Variants in ARSG observed in about 807,000 individuals in gnomAD.
The protein encoded by ARSG is arylsulfatase G.
ARSG carries 37 observed loss-of-function variants against 50.5 expected under a neutral mutation model. The ratio of observed to expected loss-of-function variants is 0.73; its 90% CI spans 0.56 to 0.96. The LOEUF is 0.96. ARSG is among the 50% of genes least tolerant of loss of function. The probability of loss-of-function intolerance (pLI) is 0.00; values close to 1 mark genes in which losing one functional copy is unlikely to be tolerated. For missense variants in ARSG, 629 were observed against 675.3 expected (o/e 0.93, Z 0.76); for synonymous variants, 225 against 254.6 (o/e 0.88, Z 1.11).
At chr17:68,330,115 C>T (rs1224933361) in intron 2 of ARSG, among the ~76,000 whole-genome samples, 1 of 151,764 alleles carries the variant, frequency 6.6e-6, no homozygotes, top group Admixed American at 6.6e-5. Flanking sequence ...GAGGCTGAGG[C>T]AGGAGAACCA....
chr17:68,419,340 C>G (rs2082601946), intron 11 of ARSG, among the ~76,000 whole-genome samples: 1 of 152,086 alleles, frequency 6.6e-6, no homozygotes, highest in Non-Finnish European at 1.5e-5. Context: ...GTGGGCAGAT[C>G]ATGAGGTTAG....
chr17:68,424,844 T>G (rs943055822), downstream of ARSG, among the ~76,000 whole-genome samples: 3 of 152,204 alleles, frequency 2.0e-5, no homozygotes, highest in Non-Finnish European at 4.4e-5. Flanking sequence ...ACCACTGCAC[T>G]CCAGCCTGGG....
chr17:68,300,012 C>T (rs1848677359), intron 1 of ARSG, among the ~76,000 whole-genome samples: 2 of 150,058 alleles, frequency 1.3e-5, no homozygotes, highest in African/African-American at 2.5e-5. Flanking sequence ...GATCACAGCT[C>T]ACTTGCAGCC....
At chr17:68,416,457 T>C (rs1022903577) in intron 11 of ARSG, among the ~76,000 whole-genome samples, 1 of 152,174 alleles carries the variant, frequency 6.6e-6, no homozygotes, top group African/African-American at 2.4e-5. Flanking sequence ...CTGGTGATGT[T>C]TTTGCAATGA....
In ARSG at chr17:68,342,358, G is replaced by GT. The variant is rs113758545; in HGVS notation, c.219-1233dup. Among the ~76,000 whole-genome samples the GT allele has an allele frequency of 4.9e-3, 691 of 139,938 alleles. 4 individuals carry two copies. The highest frequency in any genetic ancestry group is 8.1e-3 in the East Asian group (39 of 4,822). 91.8% of individuals were successfully genotyped at this position (139,938 alleles called of 152,430 possible). Reference sequence around the variant, plus strand: ...TATATATACATATATATATGTATGTGTTTTTTTTTTTTTGAGTTGGAGTCT... The same window carrying GT: ...TATATATACATATATATATGTATGTGTTTTTTTTTTTTTTGAGTTGGAGTCT... On this transcript the variant is annotated intron_variant, in intron 2 of 11. Transcript: ENST00000621439.
intron 11 of ARSG, among the ~76,000 whole-genome samples, chr17:68,418,577 G>T (rs1197966439): frequency 6.6e-6 from 1 of 152,226 alleles, no homozygotes; most frequent in South Asian, 2.1e-4. Context: ...TTTCTGGCCA[G>T]ATTGGACCAG....
intron 2 of ARSG, among the ~76,000 whole-genome samples, chr17:68,332,931 G>T (rs907233676): frequency 1.3e-5 from 2 of 152,210 alleles, no homozygotes; most frequent in African/African-American, 4.8e-5. Context: ...GAAGCCAGGG[G>T]CAACAGAAGC....
Position 68,339,491 on chromosome 17 carries a change from T to C in ARSG, c.219-4113T>C, listed in dbSNP as rs542758408. Among the ~76,000 whole-genome samples the C allele has an allele frequency of 3.3e-5, 5 of 152,316 alleles. No homozygotes were observed. In the South Asian group the frequency reaches 1.0e-3, roughly 32 times the overall value. On this transcript the variant is annotated intron_variant, in intron 2 of 11. Coordinates refer to ENST00000621439, the MANE Select transcript of ARSG (RefSeq NM_001267727.2). The stretch of plus-strand genomic sequence containing the variant: ...CTAGTTTATGTGAACTGCAGGCCAA[T>C]CAAGGATCACATGTTACATTTGGTT...
intron 2 of ARSG, among the ~76,000 whole-genome samples, chr17:68,334,804 G>A (rs1455633372): frequency 1.3e-5 from 2 of 152,126 alleles, no homozygotes; most frequent in Non-Finnish European, 2.9e-5. Context: ...GCGGCTCACA[G>A]AGTGTTTCCA....
rs781883104 is a variant in ARSG, at chr17:68,271,662, AG to A, written c.-552+12238del. The A allele has an allele frequency of 5.0e-6, 8 of 1,606,266 alleles. No individual in the cohort carries two copies. The East Asian group carries it at 6.7e-5, about 13-fold the overall frequency. On this transcript the variant is annotated intron_variant, in intron 1 of 11. Coordinates refer to the ARSG transcript ENST00000448504. The surrounding 1 kb of genome is among the most constrained non-coding windows in gnomAD (Gnocchi z 5.3). ...CCTTCAGAGCCATGATTGCTTGAAT[AG>A]GCAGGAGTGAAGAAGAAATAATATA...
intron 8 of ARSG, among the ~76,000 whole-genome samples, chr17:68,384,406 A>G (rs1312188383): frequency 6.6e-6 from 1 of 152,158 alleles, no homozygotes; most frequent in East Asian, 1.9e-4. Flanking sequence ...CAAGGTGGAA[A>G]TTCATAGATT....
chr17:68,315,304 G>T (rs970541463), intron 2 of ARSG, among the ~76,000 whole-genome samples: 21 of 152,286 alleles, frequency 1.4e-4, no homozygotes, highest in African/African-American at 3.6e-4. Context: ...TACTTTGGGA[G>T]ATCGAGGCGG....
chr17:68,300,161 G>C (rs2076359184), intron 1 of ARSG, among the ~76,000 whole-genome samples: 1 of 152,058 alleles, frequency 6.6e-6, no homozygotes, highest in Admixed American at 6.6e-5. Flanking sequence ...GCCAAGGCTG[G>C]CCTCTAACCC....
chr17:68,331,655 C>A (rs970571085), intron 2 of ARSG, among the ~76,000 whole-genome samples: 1 of 152,218 alleles, frequency 6.6e-6, no homozygotes, highest in African/African-American at 2.4e-5. Flanking sequence ...AGCCACTGTG[C>A]CTGGCCTGAC....
rs1371196581 is a variant in ARSG, at chr17:68,352,149, G to C, written c.566+463G>C. On this transcript the variant is annotated intron_variant, in intron 5 of 11. Coordinates refer to ENST00000621439, the MANE Select transcript of ARSG (RefSeq NM_001267727.2). Reference sequence around the variant, plus strand: ...GAGAGAGAGAGAGACAGAGGAGAGAGAGAGAGAGAGAGACAGAGAGAGAGA... The same window carrying C: ...GAGAGAGAGAGAGACAGAGGAGAGACAGAGAGAGAGAGACAGAGAGAGAGA... 2.8e-3 allele frequency among the ~76,000 whole-genome samples: 323 copies of C among 113,694 alleles called. 9 individuals carry two copies. Among genetic ancestry groups the C allele is most frequent in the African/African-American group, 8.8e-3 (288 of 32,776 alleles). 74.6% of individuals were successfully genotyped at this position (113,694 alleles called of 152,430 possible).
intron 2 of ARSG, among the ~76,000 whole-genome samples, chr17:68,331,548 G>A (rs1254979600): frequency 6.6e-6 from 1 of 151,998 alleles, no homozygotes; most frequent in Non-Finnish European, 1.5e-5. Context: ...CTGGTGCAAA[G>A]GCAAGGTTTC....
chr17:68,429,986 T>C, the ARSG span: 4 of 1,613,846 alleles, frequency 2.5e-6, no homozygotes, highest in African/African-American at 1.3e-5. Flanking sequence ...GTGGGTGTCA[T>C]TGTACGTACG....
intron 1 of ARSG, chr17:68,270,848 G>A: frequency 6.2e-7 from 1 of 1,607,158 alleles, no homozygotes. Flanking sequence ...CCTGCAAGGG[G>A]CGGTCCAGCC....
chr17:68,313,447 AGTT>A (rs1341610303), intron 2 of ARSG, among the ~76,000 whole-genome samples: 1 of 151,968 alleles, frequency 6.6e-6, no homozygotes. Context: ...TCTCCGCCTC[AGTT>A]GTTATGAGGC....
Sources: gnomAD v4.1 joint callset for allele counts (sites outside exome capture counted in the v4.1 genomes callset) on GRCh38, gnomAD v4.1.1 for gene constraint, Gnocchi (gnomAD v3.1) non-coding constraint, MANE v1.5 for transcripts, NCBI Gene and HGNC (gene_info 2026-07-23, HGNC 2026-07-21) for gene names.